Variants in ZCRB1 observed in about 807,000 individuals in gnomAD.
ZCRB1 encodes the protein zinc finger CCHC-type and RNA binding motif containing 1, also known as zinc finger CCHC-type and RNA-binding motif-containing protein 1.
In ZCRB1, 21 loss-of-function variants were observed where a neutral mutation model predicts 29.9. That is an observed-to-expected ratio of 0.70 (90% confidence interval 0.50 to 1.01). The LOEUF (loss-of-function observed/expected upper bound fraction) is 1.01, where lower values mean the gene tolerates loss of function less well. Among genes scored for constraint, ZCRB1 ranks in the 50% least tolerant of loss-of-function variants. ZCRB1 has a pLI of 0.00. For synonymous variants in ZCRB1, 77 were observed against 80.0 expected (o/e 0.96, Z 0.20); for missense variants, 204 against 253.3 (o/e 0.81, Z 1.32).
intron 5 of ZCRB1, among the ~76,000 whole-genome samples, 158 bp downstream of exon 5, chr12:42,317,182 C>T (rs2068598690): frequency 6.6e-6 from 1 of 152,104 alleles, no homozygotes; most frequent in Non-Finnish European, 1.5e-5. Flanking sequence ...CACTGGGTGA[C>T]AGAGGAAAAC....
At chr12:42,322,668 A>T (rs994726673) in intron 2 of ZCRB1, among the ~76,000 whole-genome samples, 1 of 152,114 alleles carries the variant, frequency 6.6e-6, no homozygotes, top group Non-Finnish European at 1.5e-5. Flanking sequence ...TTGACAATGG[A>T]GTAAATACAG....
intron 5 of ZCRB1, among the ~76,000 whole-genome samples, chr12:42,316,366 C>CT (rs1423144695): frequency 6.6e-6 from 1 of 152,110 alleles, no homozygotes; most frequent in East Asian, 1.9e-4. Context: ...TCCCAAAATG[C>CT]TAGGATTACA....
chr12:42,322,423 A>T lies in ZCRB1; in HGVS notation c.108T>A (p.Val36=). The change falls in exon 3 of 8, where the codon GTT becomes GTA. Residue 36 remains valine, a synonymous_variant. Coordinates refer to ENST00000266529, the MANE Select transcript of ZCRB1 (RefSeq NM_033114.4). Reference sequence around the variant, plus strand: ...AATTTAATGTGAATACTTACTTTACAACTTTGCCATACTTGGAAAATATCT... The same window carrying T: ...AATTTAATGTGAATACTTACTTTACTACTTTGCCATACTTGGAAAATATCT... ...LYRIFSKYGK[V]VKVTIMKDKD... 1 of 1,489,780 alleles carries T rather than the reference A, an allele frequency of 6.7e-7. No individual in the cohort carries two copies. Among genetic ancestry groups the T allele is most frequent in the Non-Finnish European group, 9.1e-7 (1 of 1,103,496 alleles). 92.3% of individuals were successfully genotyped at this position (1,489,780 alleles called of 1,614,324 possible). A position where few individuals can be genotyped will look rare whatever the true frequency, so the allele number is the denominator to read the frequency against.
chr12:42,314,285 C>T (rs937027679), intron 5 of ZCRB1, among the ~76,000 whole-genome samples: 3 of 149,454 alleles, frequency 2.0e-5, no homozygotes, highest in Non-Finnish European at 4.4e-5. Flanking sequence ...TTTGGTCGGG[C>T]GCGGTGGCTC....
At chr12:42,314,030 A>T (rs745698080) in intron 5 of ZCRB1, 44 bp from the exon 6 acceptor site, 2 of 1,559,134 alleles carry the variant, frequency 1.3e-6, no homozygotes, top group Non-Finnish European at 1.7e-6. Context: ...ACCATATTTG[A>T]TGTTATTTAT....
intron 3 of ZCRB1, among the ~76,000 whole-genome samples, chr12:42,319,703 T>C (rs752924953): frequency 6.6e-6 from 1 of 152,226 alleles, no homozygotes; most frequent in Admixed American, 6.5e-5. Flanking sequence ...GTGTTATTCA[T>C]AAACAATGCC....
rs1046022399 is a variant in ZCRB1, at chr12:42,317,591, T to C, written c.226-144A>G. The C allele has an allele frequency of 2.9e-5, 24 of 822,306 alleles. No homozygotes were observed. The African/African-American group carries it at 3.1e-4, about 11-fold the overall frequency. 50.9% of individuals were successfully genotyped at this position (822,306 alleles called of 1,614,324 possible). On this transcript the variant is annotated intron_variant, in intron 4 of 7. Coordinates refer to ENST00000266529, the MANE Select transcript of ZCRB1 (RefSeq NM_033114.4). ...CTTAGGTGTGATAAATTCTATTCTGTAGTATTCTTATTCCTGAGATTCCAC... is the reference window on the plus strand; with the variant it reads ...CTTAGGTGTGATAAATTCTATTCTGCAGTATTCTTATTCCTGAGATTCCAC...
chr12:42,323,922 G>GA (rs77153821), intron 2 of ZCRB1, 97 bp downstream of exon 2: 124,247 of 807,706 alleles, frequency 0.15, 53 homozygotes, highest in East Asian at 0.23. Context: ...CTCAAAAAAA[G>GA]AAAAAAAAAA....
chr12:42,313,018 G>A lies in ZCRB1; in HGVS notation c.*49C>T, dbSNP rs755548888. 2.2e-5 allele frequency: 32 copies of A among 1,484,258 alleles called. No individual in the cohort carries two copies. The East Asian group carries it at 7.5e-4, about 35-fold the overall frequency. 91.9% of individuals were successfully genotyped at this position (1,484,258 alleles called of 1,614,324 possible). On this transcript the variant is annotated 3_prime_UTR_variant, in exon 8 of 8. Transcript: ENST00000266529. Reference sequence around the variant, plus strand: ...ATTTTTATTAAAATTAGCTCTTCAAGATTGTTACTAACAAATCTTGATTTT... The same window carrying A: ...ATTTTTATTAAAATTAGCTCTTCAAAATTGTTACTAACAAATCTTGATTTT...
intron 3 of ZCRB1, among the ~76,000 whole-genome samples, chr12:42,319,268 T>G (rs924123186): frequency 1.3e-5 from 2 of 152,226 alleles, no homozygotes; most frequent in African/African-American, 4.8e-5. Flanking sequence ...CTATTCTTAT[T>G]GGTTCCTTTA....
chr12:42,318,914 G>A (rs1189200648), intron 3 of ZCRB1, among the ~76,000 whole-genome samples: 2 of 152,090 alleles, frequency 1.3e-5, no homozygotes, highest in South Asian at 2.1e-4. Flanking sequence ...GAGAAGGTAG[G>A]AATTTATAAT....
intron 3 of ZCRB1, among the ~76,000 whole-genome samples, chr12:42,321,016 C>T (rs1397242395): frequency 6.6e-6 from 1 of 152,182 alleles, no homozygotes; most frequent in Non-Finnish European, 1.5e-5. Context: ...ACTTTATTTT[C>T]TCTTGCCACA....
chr12:42,317,974 TAAA>T, intron 3 of ZCRB1, 76 bp from the exon 4 acceptor site: 2 of 1,094,346 alleles, frequency 1.8e-6, no homozygotes, highest in Non-Finnish European at 2.6e-6. Flanking sequence ...AAATTCATTT[TAAA>T]AAGGGCTAAA....
At chr12:42,314,542 G>A (rs1331590734) in intron 5 of ZCRB1, among the ~76,000 whole-genome samples, 6 of 148,442 alleles carry the variant, frequency 4.0e-5, no homozygotes, top group East Asian at 2.0e-4. Flanking sequence ...AGATCATTCC[G>A]TTGCACTCCA....
chr12:42,317,971 T>C, intron 3 of ZCRB1, 73 bp from the exon 4 acceptor site: 11 of 1,243,472 alleles, frequency 8.8e-6, no homozygotes, highest in Non-Finnish European at 1.2e-5. Context: ...GAAAAATTCA[T>C]TTTAAAAAGG....
intron 3 of ZCRB1, among the ~76,000 whole-genome samples, chr12:42,320,037 GA>G (rs905826592): frequency 1.9e-4 from 28 of 149,002 alleles, no homozygotes; most frequent in African/African-American, 5.9e-4. Context: ...TGTGGTAACA[GA>G]AAAAAAAAAT....
At chr12:42,320,245 C>T (rs896943502) in intron 3 of ZCRB1, among the ~76,000 whole-genome samples, 2 of 152,128 alleles carry the variant, frequency 1.3e-5, no homozygotes, top group African/African-American at 2.4e-5. Context: ...AGTCCTTATA[C>T]GCAAAGTAAG....
At position 42,325,977 on chromosome 12, in the gene ZCRB1, T is replaced by G. The variant is rs1028222211; in HGVS notation, c.-56A>C. On this transcript the variant is annotated 5_prime_UTR_variant, in exon 1 of 8. Coordinates refer to ENST00000266529, the MANE Select transcript of ZCRB1 (RefSeq NM_033114.4). ...GAAGAGTGCGAGCCCTCGGCTCAGC[T>G]GGGGCTCAACCCCGACTCTTCGTAG... is the stretch of plus-strand genomic sequence containing the variant. The G allele has an allele frequency of 6.6e-6, 1 of 152,330 alleles. No homozygotes were observed. The highest frequency in any genetic ancestry group is 2.4e-5 in the African/African-American group (1 of 41,472). The allele number at this position is 152,330 out of a possible 1,614,324, so 9.4% of individuals were successfully genotyped here. A position where few individuals can be genotyped will look rare whatever the true frequency, so the allele number is the denominator to read the frequency against.
rs1344199324 is a variant in ZCRB1, at chr12:42,320,109, G to A, written c.114-2211C>T. 3.9e-5 allele frequency among the ~76,000 whole-genome samples: 6 copies of A among 152,306 alleles called. No individual in the cohort carries two copies. The East Asian group carries it at 1.2e-3, about 29-fold the overall frequency. ...CTCCCATGTTTCTGGCAAGGGAAAA[G>A]AGGTAGATAATAGCACCATTTCCTA... On this transcript the variant is annotated intron_variant, in intron 3 of 7. Coordinates refer to ENST00000266529, the MANE Select transcript of ZCRB1 (RefSeq NM_033114.4).
Sources: gnomAD v4.1 joint callset for allele counts (sites outside exome capture counted in the v4.1 genomes callset) on GRCh38, gnomAD v4.1.1 for gene constraint, MANE v1.5 for transcripts, NCBI Gene and HGNC (gene_info 2026-07-23, HGNC 2026-07-21) for gene names.